Variants in BEND6 observed in about 807,000 individuals in gnomAD.
The protein encoded by BEND6 is BEN domain containing 6, also known as BEN domain-containing protein 6.
BEND6 carries 24 observed loss-of-function variants against 31.8 expected under a neutral mutation model. That is an observed-to-expected ratio of 0.75 (90% confidence interval 0.55 to 1.06). The LOEUF (loss-of-function observed/expected upper bound fraction) is 1.06, where lower values mean the gene tolerates loss of function less well. Among genes scored for constraint, BEND6 ranks in the 50% least tolerant of loss-of-function variants. BEND6 has a pLI of 0.00. For missense variants in BEND6, 294 were observed against 327.4 expected (o/e 0.90, Z 0.79); for synonymous variants, 109 against 114.6 (o/e 0.95, Z 0.31).
At chr6:57,021,481 A>C (rs947459636) in intron 6 of BEND6, among the ~76,000 whole-genome samples, 1 of 152,064 alleles carries the variant, frequency 6.6e-6, no homozygotes, top group Non-Finnish European at 1.5e-5. Context: ...AAGGGTAACA[A>C]TTTCCCAGCT....
chr6:56,957,736 CT>C (rs1286319240), intron 1 of BEND6, among the ~76,000 whole-genome samples: 10 of 152,028 alleles, frequency 6.6e-5, no homozygotes, highest in Admixed American at 2.6e-4. Flanking sequence ...AATTTGTTGA[CT>C]TTTTTTATGA....
intron 2 of BEND6, among the ~76,000 whole-genome samples, chr6:56,983,214 T>C (rs1446029167): frequency 6.6e-6 from 1 of 152,228 alleles, no homozygotes; most frequent in African/African-American, 2.4e-5. Context: ...CATCACGTTA[T>C]AGGAAACATA....
intron 2 of BEND6, among the ~76,000 whole-genome samples, chr6:56,983,682 A>G (rs1057096734): frequency 6.6e-6 from 1 of 152,144 alleles, no homozygotes; most frequent in African/African-American, 2.4e-5. Context: ...TTATAAATAT[A>G]TTAATTCTAC....
intron 1 of BEND6, among the ~76,000 whole-genome samples, chr6:56,978,982 C>T (rs1324214449): frequency 6.6e-6 from 1 of 152,176 alleles, no homozygotes; most frequent in Non-Finnish European, 1.5e-5. Flanking sequence ...TAAGTAATGT[C>T]AAACTGCTTT....
At chr6:57,026,037 A>C (rs1827891208) in intron 6 of BEND6, 45 bp from the exon 7 acceptor site, 1 of 152,174 alleles carries the variant, frequency 6.6e-6, no homozygotes, top group Non-Finnish European at 1.5e-5. Flanking sequence ...ATACTACGAG[A>C]ATGTTAACAT....
chr6:57,018,395 CAT>C, intron 5 of BEND6, 24 bp from the exon 6 acceptor site: 1 of 1,570,548 alleles, frequency 6.4e-7, no homozygotes, highest in Non-Finnish European at 8.6e-7. Flanking sequence ...TGAAGTTTCT[CAT>C]GTGTCGCTAT....
At chr6:57,002,166 T>C (rs531797539) in intron 3 of BEND6, among the ~76,000 whole-genome samples, 106 of 152,284 alleles carry the variant, frequency 7.0e-4, no homozygotes, top group African/African-American at 2.3e-3. Context: ...GACTTAACTA[T>C]CCTAAATATA....
At chr6:56,985,144 A>G (rs368735416) in intron 2 of BEND6, among the ~76,000 whole-genome samples, 7 of 152,228 alleles carry the variant, frequency 4.6e-5, no homozygotes, top group African/African-American at 1.7e-4. Flanking sequence ...AAGGTCTAAC[A>G]AGAATCAATG....
chr6:57,008,338 C>A, intron 3 of BEND6: 1 of 663,242 alleles, frequency 1.5e-6, no homozygotes, highest in Non-Finnish European at 2.7e-6. Context: ...CCATGCAAGG[C>A]TACTACTGAT....
intron 3 of BEND6, among the ~76,000 whole-genome samples, chr6:56,995,157 A>G (rs1427570974): frequency 6.6e-6 from 1 of 151,926 alleles, no homozygotes; most frequent in African/African-American, 2.4e-5. Flanking sequence ...CTCCTGCAAG[A>G]TCAAGTTTTC....
At chr6:56,975,984 A>T in intron 1 of BEND6, 1 of 512,556 alleles carries the variant, frequency 2.0e-6, no homozygotes. Context: ...ATGTGCAGTC[A>T]TGGTGGCTTC....
chr6:56,975,580 C>T, intron 1 of BEND6: 1 of 311,356 alleles, frequency 3.2e-6, no homozygotes, highest in East Asian at 7.6e-5. Flanking sequence ...ATCCAGTATC[C>T]ACTTATTTCT....
intron 2 of BEND6, among the ~76,000 whole-genome samples, chr6:56,988,010 T>C (rs184076542): frequency 6.8e-6 from 1 of 146,738 alleles, no homozygotes; most frequent in Admixed American, 7.3e-5. Flanking sequence ...CTTTTTTCCT[T>C]TTTTCTTTCT....
intron 2 of BEND6, among the ~76,000 whole-genome samples, chr6:56,986,291 G>A (rs1025100988): frequency 2.6e-5 from 4 of 151,664 alleles, no homozygotes; most frequent in Admixed American, 6.6e-5. Flanking sequence ...TAAAGGTGAG[G>A]GCCAGGTATG....
rs910431480 is a variant in BEND6 at position 56,989,687 on chromosome 6, G to A, written c.121-2691G>A. 2.0e-5 allele frequency among the ~76,000 whole-genome samples: 3 copies of A among 152,066 alleles called. No homozygotes were observed. In the South Asian group the frequency reaches 6.2e-4, roughly 31 times the overall value. On this transcript the variant is annotated intron_variant, in intron 2 of 6. Coordinates refer to ENST00000370746, the MANE Select transcript of BEND6 (RefSeq NM_152731.3). Reference sequence around the variant, plus strand: ...CATGTTGATCTTCTTTTCCCTAGTTGTTAATGAGGTTGAGCATCCTTTCAT... The same window carrying A: ...CATGTTGATCTTCTTTTCCCTAGTTATTAATGAGGTTGAGCATCCTTTCAT...
At chr6:56,982,014 C>A in intron 2 of BEND6, 84 bp downstream of exon 2, 1 of 1,326,674 alleles carries the variant, frequency 7.5e-7, no homozygotes, top group South Asian at 1.5e-5. Context: ...ATTAGTGCTT[C>A]TCCCTCTTCT....
intron 1 of BEND6, among the ~76,000 whole-genome samples, chr6:56,959,715 A>G (rs1825223695): frequency 6.6e-6 from 1 of 152,218 alleles, no homozygotes; most frequent in Admixed American, 6.5e-5. Flanking sequence ...TGTAACTTGC[A>G]GTAATATCAA....
At chr6:56,977,273 G>C (rs1008954101) in intron 1 of BEND6, among the ~76,000 whole-genome samples, 5 of 152,132 alleles carry the variant, frequency 3.3e-5, no homozygotes, top group African/African-American at 7.2e-5. Context: ...AGTTTTTATT[G>C]TTTCTTAATG....
At chr6:57,017,179 C>T in intron 4 of BEND6, 28 bp from the exon 5 acceptor site, 1 of 1,536,580 alleles carries the variant, frequency 6.5e-7, no homozygotes, top group South Asian at 1.3e-5. Context: ...TTTCTTTTTC[C>T]AACTTCAACT....
Sources: gnomAD v4.1 joint callset for allele counts (sites outside exome capture counted in the v4.1 genomes callset) on GRCh38, gnomAD v4.1.1 for gene constraint, MANE v1.5 for transcripts, NCBI Gene and HGNC (gene_info 2026-07-23, HGNC 2026-07-21) for gene names.